The following MAST4 variants were observed in gnomAD, a reference collection of about 807,000 sequenced individuals.
MAST4 encodes microtubule associated serine/threonine kinase family member 4, also known as microtubule-associated serine/threonine-protein kinase 4.
Under a neutral mutation model 162.7 loss-of-function variants are expected in MAST4, and 89 were observed. The ratio of observed to expected loss-of-function variants is 0.55; its 90% confidence interval spans 0.46 to 0.65. MAST4 has a LOEUF of 0.65. MAST4 is among the 30% of genes least tolerant of loss of function. The pLI is 0.00. For missense variants in MAST4, 3,153 were observed against 3,374.0 expected, an observed-to-expected ratio of 0.93 and a Z score of 1.62; for synonymous variants, 1,479 against 1,361.1, an observed-to-expected ratio of 1.09 and a Z score of -1.91.
At chr5:66,766,946 T>C (rs1754122458) in intron 2 of MAST4, among the ~76,000 whole-genome samples, 1 of 152,198 alleles carries the variant, frequency 6.6e-6, no homozygotes, top group African/African-American at 2.4e-5. Context: ...TTTGGGTTCA[T>C]AGGCAACTTT....
At chr5:66,844,962 G>A (rs557662813) in intron 3 of MAST4, among the ~76,000 whole-genome samples, 31 of 151,454 alleles carry the variant, frequency 2.0e-4, no homozygotes, top group Admixed American at 1.9e-3. Context: ...CAATCTAGGT[G>A]TCATTATCTT....
chr5:66,919,619 A>G (rs1764351261), intron 4 of MAST4, among the ~76,000 whole-genome samples: 1 of 146,904 alleles, frequency 6.8e-6, no homozygotes, highest in Admixed American at 7.1e-5. Context: ...TGAGATCGTC[A>G]CTGCACTCCA....
intron 4 of MAST4, among the ~76,000 whole-genome samples, chr5:66,937,404 G>T (rs1444307839): frequency 6.6e-6 from 1 of 152,086 alleles, no homozygotes; most frequent in Non-Finnish European, 1.5e-5. Flanking sequence ...GCACCTAGTA[G>T]GCATGGAACA....
chr5:66,636,057 A>C (rs1414051900), intron 1 of MAST4, among the ~76,000 whole-genome samples: 2 of 140,640 alleles, frequency 1.4e-5, no homozygotes, highest in Non-Finnish European at 3.0e-5. Context: ...TCCTGGGTTC[A>C]AGCGATTCTT....
intron 2 of MAST4, among the ~76,000 whole-genome samples, chr5:66,763,605 TA>T (rs1465424371): frequency 1.3e-5 from 2 of 152,330 alleles, no homozygotes; most frequent in East Asian, 1.9e-4. Context: ...GGTCATATTA[TA>T]AAAAATATGT....
At chr5:66,833,793 ATAAT>A (rs1757772713) in intron 3 of MAST4, among the ~76,000 whole-genome samples, 2 of 152,292 alleles carry the variant, frequency 1.3e-5, no homozygotes, top group South Asian at 4.1e-4. Context: ...ATTATTTTAA[ATAAT>A]TTAAAATTAT....
chr5:66,775,660 G>C (rs1234044287), intron 2 of MAST4, among the ~76,000 whole-genome samples: 1 of 90,714 alleles, frequency 1.1e-5, no homozygotes, highest in East Asian at 2.5e-4. Context: ...TCTTAAAAAT[G>C]GTTCTTCAAA....
intron 12 of MAST4, among the ~76,000 whole-genome samples, chr5:67,118,414 A>G (rs1767175375): frequency 6.6e-6 from 1 of 152,210 alleles, no homozygotes; most frequent in Non-Finnish European, 1.5e-5. Context: ...TGGTGATTGC[A>G]TCAGCCAATG....
At chr5:67,054,618 C>A in intron 5 of MAST4, 126 bp downstream of exon 5, 1 of 829,908 alleles carries the variant, frequency 1.2e-6, no homozygotes. Flanking sequence ...TGTTTTATCC[C>A]TAAGTTGTTC....
chr5:66,763,078 T>A (rs994827300), intron 2 of MAST4, among the ~76,000 whole-genome samples: 1 of 152,232 alleles, frequency 6.6e-6, no homozygotes, highest in Non-Finnish European at 1.5e-5. Context: ...ATGAGAACAC[T>A]GAGGCACAAG....
chr5:66,871,763 C>T (rs1760946132), intron 3 of MAST4, among the ~76,000 whole-genome samples: 1 of 152,190 alleles, frequency 6.6e-6, no homozygotes, highest in Non-Finnish European at 1.5e-5. Flanking sequence ...ATTCTCTCAC[C>T]TTTTGAGTGG....
intron 8 of MAST4, among the ~76,000 whole-genome samples, chr5:67,101,883 A>G (rs765285986): frequency 2.0e-5 from 3 of 151,968 alleles, no homozygotes; most frequent in Non-Finnish European, 4.4e-5. Context: ...GAATATAAAC[A>G]CACCGAAGTT....
At chr5:67,136,520 T>G in intron 18 of MAST4, 43 bp from the exon 19 acceptor site, 1 of 1,458,830 alleles carries the variant, frequency 6.9e-7, no homozygotes, top group Non-Finnish European at 9.4e-7. Flanking sequence ...ACCTGGACCC[T>G]CTTGTGAACA....
At chr5:66,689,820 T>C (rs548032035) in intron 1 of MAST4, among the ~76,000 whole-genome samples, 3 of 152,308 alleles carry the variant, frequency 2.0e-5, no homozygotes, top group South Asian at 4.1e-4. Context: ...GTGCTGACCA[T>C]GTGGAAAGCA....
At chr5:67,065,167 G>T (rs1277948609) in intron 5 of MAST4, among the ~76,000 whole-genome samples, 1 of 152,092 alleles carries the variant, frequency 6.6e-6, no homozygotes, top group East Asian at 1.9e-4. Context: ...ATTGCCTTGT[G>T]TCTAGGGTTG....
intron 4 of MAST4, among the ~76,000 whole-genome samples, chr5:66,994,878 T>C (rs753685895): frequency 6.6e-6 from 1 of 152,242 alleles, no homozygotes; most frequent in East Asian, 1.9e-4. Context: ...CAAGAGTTCA[T>C]GTTTTTTTTG....
At chr5:66,736,309 G>A in intron 1 of MAST4, among the ~76,000 whole-genome samples, 1 of 145,736 alleles carries the variant, frequency 6.9e-6, no homozygotes, top group East Asian at 2.0e-4. Flanking sequence ...ACCATGTAGT[G>A]AGGGAATTTT....
At chr5:66,611,408 G>C (rs556772736) in intron 1 of MAST4, among the ~76,000 whole-genome samples, 2 of 152,296 alleles carry the variant, frequency 1.3e-5, no homozygotes, top group South Asian at 4.1e-4. Context: ...GCAAGCTGCT[G>C]GTTTTCTCTC....
chr5:67,078,722 ATATTTATATTTATCTAAATATATATT>A (rs1561620431), intron 5 of MAST4, among the ~76,000 whole-genome samples: 3 of 114,942 alleles, frequency 2.6e-5, no homozygotes, highest in African/African-American at 8.2e-5. Flanking sequence ...TATTTATATT[ATATTTATATTTATCTAAATATATATT>A]TATTTATATT....
Sources: gnomAD v4.1 joint callset for allele counts (sites outside exome capture counted in the v4.1 genomes callset) on GRCh38, gnomAD v4.1.1 for gene constraint, MANE v1.5 for transcripts, NCBI Gene and HGNC (gene_info 2026-07-23, HGNC 2026-07-21) for gene names.